HMGCL: variants seen among roughly 807,000 people sequenced by gnomAD.
The protein encoded by HMGCL is 3-hydroxy-3-methylglutaryl-CoA lyase.
Under a neutral mutation model 37.3 loss-of-function variants are expected in HMGCL, and 26 were observed. That is an observed-to-expected ratio of 0.70 (90% CI 0.51 to 0.97). The LOEUF is 0.97. HMGCL is among the 50% of genes least tolerant of loss of function. The pLI is 0.00. For synonymous variants in HMGCL, 151 were observed against 148.0 expected, an observed-to-expected ratio of 1.02 and a Z score of -0.15; for missense variants, 379 against 398.1, an observed-to-expected ratio of 0.95 and a Z score of 0.41.
chr1:23,810,866 G>T, intron 5 of HMGCL, 67 bp from the exon 6 acceptor site: 1 of 1,312,632 alleles, frequency 7.6e-7, no homozygotes, highest in Non-Finnish European at 1.1e-6. Flanking sequence ...ACTGAGGCAG[G>T]GCTGTTTAAC....
At chr1:23,823,703 G>A (rs558368407) in intron 1 of HMGCL, among the ~76,000 whole-genome samples, 43 of 152,024 alleles carry the variant, frequency 2.8e-4, no homozygotes, top group African/African-American at 1.0e-3. Context: ...TTATCAGGTA[G>A]GAACTATCAT....
intron 6 of HMGCL, chr1:23,810,299 G>GT (rs1557488858): frequency 9.3e-6 from 2 of 215,444 alleles, no homozygotes; most frequent in Non-Finnish European, 1.9e-5. Flanking sequence ...TTGCACAGTG[G>GT]TTTTGAGGAC....
In HMGCL at chr1:23,804,458, G is replaced by A. The variant is rs759764685; in HGVS notation, c.818C>T (p.Ser273Leu). The A allele has an allele frequency of 1.9e-6, 3 of 1,614,138 alleles. No individual in the cohort carries two copies. In the Admixed American group the frequency reaches 5.0e-5, roughly 27 times the overall value. ...LGGCPYAQGA[S>L]GNLATEDLVY... ...CAGGTCTTCTGTGGCCAAGTTTCCT[G>A]ATGCCCCCTGTGCGTAGGGACAGCC... is the stretch of plus-strand genomic sequence containing the variant. The change falls in exon 8 of 9, where the codon TCA (serine) becomes TTA (leucine). Residue 273 changes from serine to leucine, a missense_variant. Coordinates refer to ENST00000374490, the MANE Select transcript of HMGCL (RefSeq NM_000191.3).
rs745310996 is a variant in HMGCL at position 23,817,559 on chromosome 1, T to C, written c.169A>G (p.Ile57Val). 3.1e-6 allele frequency: 5 copies of C among 1,611,890 alleles called. No individual in the cohort carries two copies. In the South Asian group the frequency reaches 5.5e-5, roughly 18 times the overall value. The change falls in exon 3 of 9, where the codon ATC (isoleucine) becomes GTC (valine). Residue 57 changes from isoleucine to valine, a missense_variant. Ile to Val is a conservative substitution (Grantham distance 29). Transcript: ENST00000374490. Reference protein sequence around the residue: ...EKNIVSTPVKIKLIDMLSEAG... With the variant: ...EKNIVSTPVKVKLIDMLSEAG... ...TCAGAAAGCATGTCTATCAGCTTGA[T>C]TTTCACTGGAGTAGATACGATATTC... is the stretch of plus-strand genomic sequence containing the variant.
rs114665713 is a variant in HMGCL at position 23,810,961 on chromosome 1, C to A, written c.498-162G>T. 2.0e-5 allele frequency among the ~76,000 whole-genome samples: 3 copies of A among 152,194 alleles called. No individual in the cohort carries two copies. In the South Asian group the frequency reaches 6.2e-4, roughly 32 times the overall value. On this transcript the variant is annotated intron_variant, in intron 5 of 8. Transcript: ENST00000374490. ...GGTACAATTCAGTGCCAGGAGGAGG[C>A]AGTAGAGAGCAATGGCAGGGAACTG...
At chr1:23,825,263 G>C (rs1390223539) in intron 1 of HMGCL, 93 bp downstream of exon 1, 28 of 1,032,144 alleles carry the variant, frequency 2.7e-5, no homozygotes, top group Non-Finnish European at 2.9e-6. Flanking sequence ...GTCCGGCCTC[G>C]CCTCTAAGAG....
intron 8 of HMGCL, chr1:23,804,022 A>G (rs2148416766): frequency 4.1e-6 from 1 of 241,930 alleles, no homozygotes. Context: ...CAGCCTTCTT[A>G]TGCCCATGCG....
chr1:23,820,876 T>A (rs780521172), intron 1 of HMGCL, among the ~76,000 whole-genome samples: 1 of 152,182 alleles, frequency 6.6e-6, no homozygotes, highest in Non-Finnish European at 1.5e-5. Flanking sequence ...CATCTCTTCA[T>A]ATAGCAGTCC....
chr1:23,813,914 C>G, intron 5 of HMGCL: 1 of 474,270 alleles, frequency 2.1e-6, no homozygotes, highest in Non-Finnish European at 3.9e-6. Context: ...AACTCCTGGT[C>G]TCAAGCCATC....
chr1:23,815,264 C>T (rs1468100806), intron 4 of HMGCL, among the ~76,000 whole-genome samples: 1 of 151,544 alleles, frequency 6.6e-6, no homozygotes, highest in Non-Finnish European at 1.5e-5. Flanking sequence ...AAAAGGTGGC[C>T]CTGGGAAAAC....
At chr1:23,810,822 T>C in intron 5 of HMGCL, 23 bp from the exon 6 acceptor site, 1 of 1,606,504 alleles carries the variant, frequency 6.2e-7, no homozygotes, top group South Asian at 1.1e-5. Flanking sequence ...AGGGGAGGAA[T>C]GAGGTCAGTG....
intron 6 of HMGCL, among the ~76,000 whole-genome samples, chr1:23,808,964 G>A (rs942571530): frequency 6.6e-6 from 1 of 150,464 alleles, no homozygotes; most frequent in Non-Finnish European, 1.5e-5. Context: ...GGAGTGCAGT[G>A]GCACAATCTC....
intron 1 of HMGCL, among the ~76,000 whole-genome samples, chr1:23,824,608 T>C (rs1557495402): frequency 6.6e-6 from 1 of 152,172 alleles, no homozygotes; most frequent in Non-Finnish European, 1.5e-5. Context: ...ACTGATCACT[T>C]ATTAGGAGCC....
rs773635833 is a variant in HMGCL, at chr1:23,804,433, C to T, written c.843G>A (p.Leu281=). The T allele has an allele frequency of 4.8e-5, 78 of 1,614,100 alleles. No homozygotes were observed. The highest frequency in any genetic ancestry group is 6.4e-5 in the Non-Finnish European group (75 of 1,180,046). The change falls in exon 8 of 9, where the codon CTG becomes CTA. Residue 281 remains leucine (L), a synonymous_variant. Coordinates refer to ENST00000374490, the MANE Select transcript of HMGCL (RefSeq NM_000191.3). The part of the protein sequence containing the change: ...GASGNLATED[L]VYMLEGLGIH... ...TGCCCAAGCCCTCTAGCATGTAGACCAGGTCTTCTGTGGCCAAGTTTCCTG... is the reference window on the plus strand; with the variant it reads ...TGCCCAAGCCCTCTAGCATGTAGACTAGGTCTTCTGTGGCCAAGTTTCCTG...
Position 23,817,554 on chromosome 1 carries a change from C to G in HMGCL, c.174G>C (p.Lys58Asn). The G allele has an allele frequency of 6.2e-7, 1 of 1,612,934 alleles. No individual in the cohort carries two copies. Among genetic ancestry groups the G allele is most frequent in the Non-Finnish European group, 8.5e-7 (1 of 1,178,942 alleles). ...KNIVSTPVKI[K>N]LIDMLSEAGL... is the part of the protein sequence containing the mutation. ...CTGCTTCAGAAAGCATGTCTATCAG[C>G]TTGATTTTCACTGGAGTAGATACGA... The change falls in exon 3 of 9, where the codon AAG (lysine) becomes AAC (asparagine). Residue 58 changes from lysine to asparagine, a missense_variant. By Grantham distance (94) the Lys-to-Asn change is moderately conservative (BLOSUM62 0). Transcript: ENST00000374490.
intron 1 of HMGCL, among the ~76,000 whole-genome samples, chr1:23,821,308 G>A (rs1030272335): frequency 4.0e-5 from 6 of 151,768 alleles, no homozygotes; most frequent in Non-Finnish European, 8.8e-5. Flanking sequence ...AATGAGCCAA[G>A]ATCGTGCCAC....
intron 5 of HMGCL, among the ~76,000 whole-genome samples, chr1:23,813,381 A>AT (rs1570649580): frequency 1.3e-5 from 2 of 151,330 alleles, no homozygotes; most frequent in East Asian, 2.0e-4. Flanking sequence ...ATTACAGCTA[A>AT]TTTTTGTATT....
At chr1:23,816,295 T>C in intron 4 of HMGCL, 1 of 312,154 alleles carries the variant, frequency 3.2e-6, no homozygotes, top group South Asian at 2.9e-5. Flanking sequence ...TGTAAGAAAG[T>C]TGGCAGATGC....
At chr1:23,803,040 CTT>C (rs918930340) in intron 8 of HMGCL, among the ~76,000 whole-genome samples, 1 of 147,406 alleles carries the variant, frequency 6.8e-6, no homozygotes, top group Admixed American at 6.8e-5. Flanking sequence ...ACTTTTCTTT[CTT>C]TTTTTTTTTG....
Sources: gnomAD v4.1 joint callset for allele counts (sites outside exome capture counted in the v4.1 genomes callset) on GRCh38, gnomAD v4.1.1 for gene constraint, MANE v1.5 for transcripts, NCBI Gene and HGNC (gene_info 2026-07-23, HGNC 2026-07-21) for gene names.